STK32B: variants seen among roughly 807,000 people sequenced by gnomAD.
STK32B encodes serine/threonine kinase 32B.
In STK32B, 43 loss-of-function variants were observed where a neutral mutation model predicts 52.6. The observed-to-expected ratio is 0.82, with a 90% CI of 0.64 to 1.05. The LOEUF (loss-of-function observed/expected upper bound fraction) is 1.05. Ranked by LOEUF, STK32B falls within the 50% of genes least tolerant of loss-of-function variation. The pLI is 0.00. For synonymous variants in STK32B, 238 were observed against 204.3 expected (o/e 1.17, Z -1.41); for missense variants, 621 against 534.6 (o/e 1.16, Z -1.59).
chr4:5,268,543 G>A (rs1727201805), intron 3 of STK32B, among the ~76,000 whole-genome samples: 1 of 63,744 alleles, frequency 1.6e-5, no homozygotes, highest in Non-Finnish European at 2.6e-5. Flanking sequence ...GGTGTGGTGT[G>A]TGTGTGTGTG....
At chr4:5,089,126 C>T (rs1431853607) in intron 1 of STK32B, among the ~76,000 whole-genome samples, 1 of 151,684 alleles carries the variant, frequency 6.6e-6, no homozygotes, top group African/African-American at 2.4e-5. Flanking sequence ...ACTAACCTTA[C>T]AGAAATAAAA....
intron 3 of STK32B, among the ~76,000 whole-genome samples, chr4:5,195,538 T>C (rs55892229): frequency 0.11 from 16,990 of 152,062 alleles, 1,022 homozygotes; most frequent in Non-Finnish European, 0.13. Context: ...ACTAAAAATA[T>C]AAAAATTACC....
At chr4:5,310,816 A>G (rs1348316468) in intron 3 of STK32B, among the ~76,000 whole-genome samples, 8 of 152,216 alleles carry the variant, frequency 5.3e-5, no homozygotes, top group African/African-American at 1.7e-4. Flanking sequence ...ATGAATGGAT[A>G]CAGAAAATGT....
rs113809823 is a variant in STK32B at position 5,252,382 on chromosome 4, G to C, written c.261-78838G>C. Reference sequence around the variant, plus strand: ...TGTTTTACAGGAAAATAAAGCTAAAGCTCATGGCACAATGTCCCATTAGTT... The same window carrying C: ...TGTTTTACAGGAAAATAAAGCTAAACCTCATGGCACAATGTCCCATTAGTT... On this transcript the variant is annotated intron_variant, in intron 3 of 11. Transcript: ENST00000282908. Among the ~76,000 whole-genome samples, 1,304 of 152,274 alleles carry C rather than the reference G, an allele frequency of 8.6e-3. 12 individuals carry two copies. The highest frequency in any genetic ancestry group is 0.029 in the African/African-American group (1,213 of 41,554).
At chr4:5,441,477 C>G (rs1222800832) in intron 6 of STK32B, among the ~76,000 whole-genome samples, 1 of 150,896 alleles carries the variant, frequency 6.6e-6, no homozygotes, top group Non-Finnish European at 1.5e-5. Context: ...TTTATTGCAT[C>G]TATTTGATTC....
At position 5,450,113 on chromosome 4, in the gene STK32B, A is replaced by AG. The variant is rs546965072; in HGVS notation, c.666+3338dup. ...CAGAGAACCCTGTGCTTTTGGTTGGAGCTTGTAGGCTAGACAAGAGACCTA... is the reference window on the plus strand; with the variant it reads ...CAGAGAACCCTGTGCTTTTGGTTGGAGGCTTGTAGGCTAGACAAGAGACCTA... On this transcript the variant is annotated intron_variant, in intron 7 of 11. Transcript: ENST00000282908. 6.1e-3 allele frequency among the ~76,000 whole-genome samples: 924 copies of AG among 152,284 alleles called. 5 individuals are homozygous for AG. The highest frequency in any genetic ancestry group is 0.011 in the Non-Finnish European group (715 of 68,026).
intron 1 of STK32B, among the ~76,000 whole-genome samples, chr4:5,133,108 A>C (rs912980285): frequency 6.6e-6 from 1 of 152,092 alleles, no homozygotes; most frequent in Non-Finnish European, 1.5e-5. Flanking sequence ...AGAATTTACC[A>C]CTTTCTGCCA....
intron 1 of STK32B, among the ~76,000 whole-genome samples, chr4:5,129,632 AAC>A (rs1715627531): frequency 6.6e-6 from 1 of 152,200 alleles, no homozygotes. Flanking sequence ...GTTAAATGTG[AAC>A]ACGAACTTGA....
intron 2 of STK32B, among the ~76,000 whole-genome samples, chr4:5,140,845 T>C (rs1716390635): frequency 6.6e-6 from 1 of 152,236 alleles, no homozygotes; most frequent in African/African-American, 2.4e-5. Context: ...TTTTAGACTC[T>C]GTTGATCAGT....
At chr4:5,163,230 C>A (rs892658611) in intron 2 of STK32B, among the ~76,000 whole-genome samples, 1 of 152,184 alleles carries the variant, frequency 6.6e-6, no homozygotes, top group African/African-American at 2.4e-5. Context: ...GAAGGTGACA[C>A]TTTCACATGT....
chr4:5,036,659 A>ATTT, the STK32B span, among the ~76,000 whole-genome samples: 11 of 74,198 alleles, frequency 1.5e-4, no homozygotes, highest in African/African-American at 1.6e-4. Flanking sequence ...GCAAGGGTGG[A>ATTT]TTTTTTTTTT....
chr4:5,054,697 G>C (rs1334699497), intron 1 of STK32B, among the ~76,000 whole-genome samples: 1 of 152,204 alleles, frequency 6.6e-6, no homozygotes, highest in Non-Finnish European at 1.5e-5. Flanking sequence ...ACATGGTCCA[G>C]TGAACAAGCT....
chr4:5,208,310 G>A (rs936152266), intron 3 of STK32B, among the ~76,000 whole-genome samples: 1 of 152,198 alleles, frequency 6.6e-6, no homozygotes, highest in Non-Finnish European at 1.5e-5. Flanking sequence ...TGCCTAGAAA[G>A]GAAGGAGCGC....
At chr4:5,425,954 G>T (rs1713055702) in intron 6 of STK32B, among the ~76,000 whole-genome samples, 1 of 152,156 alleles carries the variant, frequency 6.6e-6, no homozygotes, top group Admixed American at 6.5e-5. Flanking sequence ...TGTATCAGTA[G>T]TCCCTTCCTG....
At chr4:5,180,034 A>C (rs77004866) in intron 3 of STK32B, among the ~76,000 whole-genome samples, 1 of 152,168 alleles carries the variant, frequency 6.6e-6, no homozygotes, top group African/African-American at 2.4e-5. Flanking sequence ...TGGACAGGCA[A>C]TGAGGGAAGG....
intron 1 of STK32B, among the ~76,000 whole-genome samples, chr4:5,101,748 C>A (rs978838494): frequency 6.6e-6 from 1 of 152,166 alleles, no homozygotes. Flanking sequence ...AAAACCGCAA[C>A]CAAAATTCCT....
In STK32B at chr4:5,415,884, GTTT is replaced by G. The variant is rs1414572870; in HGVS notation, c.473-959_473-957del. Among the ~76,000 whole-genome samples the G allele has an allele frequency of 3.3e-5, 5 of 152,058 alleles. No homozygotes were observed. The East Asian group carries it at 7.7e-4, about 23-fold the overall frequency. On this transcript the variant is annotated intron_variant, in intron 5 of 11. Transcript: ENST00000282908. ...CCTCAATGCACCTGCTCCAGAATGT[GTTT>G]TCCCATCTCTTGGTGATGCCTTCCA...
intron 6 of STK32B, among the ~76,000 whole-genome samples, chr4:5,443,998 C>T (rs1715079311): frequency 6.6e-6 from 1 of 152,198 alleles, no homozygotes; most frequent in African/African-American, 2.4e-5. Flanking sequence ...CCACTGCTCT[C>T]TTCAAAGCTG....
chr4:5,197,944 T>G (rs1469413988), intron 3 of STK32B, among the ~76,000 whole-genome samples: 1 of 151,996 alleles, frequency 6.6e-6, no homozygotes, highest in Non-Finnish European at 1.5e-5. Context: ...TTTCTGTTGT[T>G]TTTTTTTCCA....
Sources: allele counts gnomAD v4.1 joint callset (sites outside exome capture counted in the v4.1 genomes callset), GRCh38; gene constraint gnomAD v4.1.1; transcripts MANE v1.5; gene names NCBI Gene and HGNC (gene_info 2026-07-23, HGNC 2026-07-21).